CSMD1: variants seen among roughly 807,000 people sequenced by gnomAD.
CSMD1 encodes CUB and Sushi multiple domains 1.
A neutral mutation model predicts 417.5 loss-of-function variants in CSMD1; 213 were observed. The ratio of observed to expected loss-of-function variants is 0.51; its 90% confidence interval spans 0.46 to 0.57. The LOEUF (loss-of-function observed/expected upper bound fraction) is 0.57. Ranked by LOEUF, CSMD1 falls within the 20% of genes least tolerant of loss-of-function variation. The pLI, the probability that CSMD1 is intolerant of heterozygous loss-of-function variation, is 0.00. For synonymous variants in CSMD1, 2,862 were observed against 1,736.8 expected (o/e 1.65, Z -16.11); for missense variants, 6,923 against 4,529.7 (o/e 1.53, Z -15.17).
chr8:3,340,271 T>C (rs1807560267), intron 23 of CSMD1, among the ~76,000 whole-genome samples: 1 of 152,202 alleles, frequency 6.6e-6, no homozygotes, highest in Non-Finnish European at 1.5e-5. Flanking sequence ...GAAGGAGCTA[T>C]TTCCCAAGAC....
At chr8:4,720,803 A>G (rs1448658903) in intron 1 of CSMD1, among the ~76,000 whole-genome samples, 1 of 152,174 alleles carries the variant, frequency 6.6e-6, no homozygotes, top group Non-Finnish European at 1.5e-5. Flanking sequence ...AATTCCATCT[A>G]AAGATCAACA....
chr8:4,727,938 T>TAC (rs1429814725), intron 1 of CSMD1, among the ~76,000 whole-genome samples: 2 of 134,700 alleles, frequency 1.5e-5, no homozygotes, highest in East Asian at 4.2e-4. Context: ...TATATATATA[T>TAC]ACAAAATATA....
In CSMD1 at chr8:3,529,642, G is replaced by C. The variant is rs114529170; in HGVS notation, c.1345-35916C>G. ...GTGATTTGTCAAAAGTATAGTGTTTGCTTTGAGGAAGAGTATCAGCTTCTC... is the reference window on the plus strand; with the variant it reads ...GTGATTTGTCAAAAGTATAGTGTTTCCTTTGAGGAAGAGTATCAGCTTCTC... On this transcript the variant is annotated intron_variant, in intron 10 of 69. Coordinates refer to ENST00000635120, the MANE Select transcript of CSMD1 (RefSeq NM_033225.6). 3.5e-3 allele frequency among the ~76,000 whole-genome samples: 532 copies of C among 152,312 alleles called. 3 individuals are homozygous for C. The highest frequency in any genetic ancestry group is 0.012 in the African/African-American group (509 of 41,572).
chr8:3,555,314 G>C (rs933507431), intron 10 of CSMD1, among the ~76,000 whole-genome samples: 3 of 152,206 alleles, frequency 2.0e-5, no homozygotes, highest in Non-Finnish European at 2.9e-5. Flanking sequence ...GCTCACAGAG[G>C]TTTTCATTCT....
chr8:4,958,971 T>C (rs894263722), intron 1 of CSMD1, among the ~76,000 whole-genome samples: 1 of 152,226 alleles, frequency 6.6e-6, no homozygotes, highest in Admixed American at 6.5e-5. Context: ...AATTACAAAA[T>C]TAAAAACAAG....
At chr8:4,544,371 T>C (rs1169038899) in intron 2 of CSMD1, among the ~76,000 whole-genome samples, 4 of 152,122 alleles carry the variant, frequency 2.6e-5, no homozygotes, top group Non-Finnish European at 5.9e-5. Context: ...TCAAAGTTTT[T>C]CTTTTAAAAA....
intron 2 of CSMD1, among the ~76,000 whole-genome samples, chr8:4,466,322 G>T (rs77713729): frequency 1.3e-5 from 2 of 152,000 alleles, no homozygotes; most frequent in Non-Finnish European, 2.9e-5. Flanking sequence ...GAAGAGGGAA[G>T]AAAGAAAGGG....
intron 2 of CSMD1, among the ~76,000 whole-genome samples, chr8:4,526,969 A>C (rs1054256003): frequency 6.6e-6 from 1 of 152,176 alleles, no homozygotes; most frequent in African/African-American, 2.4e-5. Flanking sequence ...CCAACTGTAG[A>C]TACCATCTAT....
chr8:3,181,314 C>G, intron 36 of CSMD1, 100 bp from the exon 37 acceptor site: 1 of 786,554 alleles, frequency 1.3e-6, no homozygotes, highest in Non-Finnish European at 2.1e-6. Context: ...CAAATCCCTA[C>G]AGTTTGTCTG....
chr8:3,724,409 C>T (rs892076838), intron 6 of CSMD1, among the ~76,000 whole-genome samples: 1 of 152,056 alleles, frequency 6.6e-6, no homozygotes, highest in African/African-American at 2.4e-5. Flanking sequence ...GGAGTATTGT[C>T]ACTTTTAAAT....
chr8:3,299,030 GACTCCA>G (rs1804181484), intron 25 of CSMD1, among the ~76,000 whole-genome samples: 1 of 152,102 alleles, frequency 6.6e-6, no homozygotes, highest in African/African-American at 2.4e-5. Context: ...AATGTCTCAT[GACTCCA>G]ACAAAAAATA....
intron 1 of CSMD1, among the ~76,000 whole-genome samples, chr8:4,671,680 A>G (rs1012882981): frequency 2.6e-5 from 4 of 152,124 alleles, no homozygotes; most frequent in Non-Finnish European, 5.9e-5. Context: ...TTCAGTTTAT[A>G]GATTTATTTT....
intron 2 of CSMD1, among the ~76,000 whole-genome samples, chr8:4,467,327 T>G (rs999612317): frequency 6.6e-6 from 1 of 152,130 alleles, no homozygotes; most frequent in South Asian, 2.1e-4. Context: ...ATTATTTAAT[T>G]GACCCATTAC....
chr8:4,098,740 C>A (rs1393548847), intron 3 of CSMD1, among the ~76,000 whole-genome samples: 1 of 152,134 alleles, frequency 6.6e-6, no homozygotes, highest in East Asian at 1.9e-4. Context: ...AATATTTATC[C>A]CTTCTGCTCT....
chr8:2,949,965 C>G (rs1343469991), intron 67 of CSMD1, among the ~76,000 whole-genome samples: 1 of 152,018 alleles, frequency 6.6e-6, no homozygotes, highest in Non-Finnish European at 1.5e-5. Flanking sequence ...CATCATAGAC[C>G]CTGGATTTCA....
At chr8:3,437,000 C>T (rs1211654885) in intron 12 of CSMD1, among the ~76,000 whole-genome samples, 1 of 152,158 alleles carries the variant, frequency 6.6e-6, no homozygotes, top group Non-Finnish European at 1.5e-5. Flanking sequence ...TTAAACAAGA[C>T]AGCTTGAAAA....
chr8:3,144,314 A>G (rs867702689), intron 40 of CSMD1, among the ~76,000 whole-genome samples: 12 of 152,184 alleles, frequency 7.9e-5, no homozygotes, highest in Non-Finnish European at 1.8e-4. Flanking sequence ...CAGTCTCATG[A>G]TGGTAAAAAT....
At chr8:4,697,459 A>T (rs964465810) in intron 1 of CSMD1, among the ~76,000 whole-genome samples, 2 of 152,152 alleles carry the variant, frequency 1.3e-5, no homozygotes, top group African/African-American at 4.8e-5. Flanking sequence ...TTCAATACGT[A>T]AAAAATTTGG....
At chr8:3,284,686 G>A (rs1803013954) in intron 25 of CSMD1, 1 of 259,834 alleles carries the variant, frequency 3.8e-6, no homozygotes, top group Non-Finnish European at 7.6e-6. Context: ...CCAAATATAA[G>A]CTTGGCATTG....
Sources: gnomAD v4.1 joint callset for allele counts (sites outside exome capture counted in the v4.1 genomes callset) on GRCh38, gnomAD v4.1.1 for gene constraint, MANE v1.5 for transcripts, NCBI Gene and HGNC (gene_info 2026-07-23, HGNC 2026-07-21) for gene names.